LOC128092250: variants seen among roughly 807,000 people sequenced by gnomAD.
the LOC128092250 span, chr8:32,647,279 T>C: frequency 4.1e-6 from 4 of 985,374 alleles, no homozygotes; most frequent in Non-Finnish European, 4.8e-6. Context: ...TGGTCCTCCT[T>C]CTGCTTTTAC....
the LOC128092250 span, chr8:32,647,204 G>A: frequency 1.0e-6 from 1 of 985,380 alleles, no homozygotes; most frequent in Non-Finnish European, 1.2e-6. Context: ...ACAACAGGAT[G>A]CTGTTGCTAT....
At chr8:32,647,258 G>GCCA in the LOC128092250 span, 1 of 985,304 alleles carries the variant, frequency 1.0e-6, no homozygotes, top group Non-Finnish European at 1.2e-6. Flanking sequence ...TGCCGCCGCC[G>GCCA]CCACCGCCGC....
At chr8:32,647,321 G>A in the LOC128092250 span, 1 of 985,372 alleles carries the variant, frequency 1.0e-6, no homozygotes, top group Non-Finnish European at 1.2e-6. Context: ...TTCTTCATCT[G>A]AGCAGACACC....
the LOC128092250 span, chr8:32,647,317 A>G: frequency 3.0e-6 from 3 of 985,166 alleles, no homozygotes; most frequent in Non-Finnish European, 3.6e-6. Context: ...TGTTTTCTTC[A>G]TCTGAGCAGA....
At chr8:32,647,341 T>G in the LOC128092250 span, 1 of 985,402 alleles carries the variant, frequency 1.0e-6, no homozygotes, top group Middle Eastern at 5.2e-4. Context: ...CAGCTTCAGA[T>G]GCTCGAGGTG....
At chr8:32,647,220 C>G in the LOC128092250 span, 1 of 985,392 alleles carries the variant, frequency 1.0e-6, no homozygotes, top group South Asian at 4.7e-5. Context: ...GCTATTGTCA[C>G]TACTGCCTCT....
At chr8:32,647,239 C>CGCT in the LOC128092250 span, 10 of 983,402 alleles carry the variant, frequency 1.0e-5, no homozygotes, top group Non-Finnish European at 1.2e-5. Flanking sequence ...CTCCTGCCGC[C>CGCT]GCTGCTGCTG....
chr8:32,647,248 T>C, the LOC128092250 span: 28 of 985,254 alleles, frequency 2.8e-5, no homozygotes, highest in Non-Finnish European at 3.3e-5. Flanking sequence ...CCGCTGCTGC[T>C]GCCGCCGCCG....
chr8:32,647,364 T>A, the LOC128092250 span: 3 of 985,334 alleles, frequency 3.0e-6, no homozygotes, highest in Non-Finnish European at 3.6e-6. Flanking sequence ...AAACATGCCT[T>A]TCAGTTTGGG....
At chr8:32,647,222 A>G in the LOC128092250 span, 1 of 985,168 alleles carries the variant, frequency 1.0e-6, no homozygotes, top group Non-Finnish European at 1.2e-6. Flanking sequence ...TATTGTCACT[A>G]CTGCCTCTCC....
the LOC128092250 span, chr8:32,647,346 G>T: frequency 6.1e-6 from 6 of 985,348 alleles, no homozygotes; most frequent in Non-Finnish European, 7.2e-6. Context: ...TCAGATGCTC[G>T]AGGTGAGAAA....
the LOC128092250 span, chr8:32,647,245 TGCTGCCGCCGCCGCC>T: frequency 1.0e-6 from 1 of 985,338 alleles, no homozygotes; most frequent in Non-Finnish European, 1.2e-6. Context: ...CCGCCGCTGC[TGCTGCCGCCGCCGCC>T]ACCGCCGCTG....
the LOC128092250 span, chr8:32,647,368 G>T: frequency 4.1e-6 from 4 of 985,322 alleles, no homozygotes; most frequent in Non-Finnish European, 4.8e-6. Context: ...ATGCCTTTCA[G>T]TTTGGGCTAC....
At chr8:32,647,334 C>T in the LOC128092250 span, 4 of 985,416 alleles carry the variant, frequency 4.1e-6, no homozygotes, top group Non-Finnish European at 3.6e-6. Flanking sequence ...CAGACACCAG[C>T]TTCAGATGCT....
the LOC128092250 span, chr8:32,647,346 G>C: frequency 4.1e-6 from 4 of 985,348 alleles, no homozygotes; most frequent in Non-Finnish European, 4.8e-6. Context: ...TCAGATGCTC[G>C]AGGTGAGAAA....
the LOC128092250 span, chr8:32,647,276 CCTT>C: frequency 4.1e-6 from 4 of 985,284 alleles, no homozygotes; most frequent in Non-Finnish European, 4.8e-6. Context: ...CGCTGGTCCT[CCTT>C]CTGCTTTTAC....
the LOC128092250 span, chr8:32,647,312 T>C: frequency 1.0e-6 from 1 of 985,394 alleles, no homozygotes; most frequent in African/African-American, 1.7e-5. Flanking sequence ...ACAGTTGTTT[T>C]CTTCATCTGA....
the LOC128092250 span, chr8:32,647,386 CTTAA>C: frequency 3.0e-6 from 3 of 985,278 alleles, no homozygotes; most frequent in African/African-American, 1.7e-5. Context: ...TACTGGTTTA[CTTAA>C]TTAATCAGCC....
At chr8:32,647,370 T>G in the LOC128092250 span, 1 of 985,228 alleles carries the variant, frequency 1.0e-6, no homozygotes, top group African/African-American at 1.7e-5. Flanking sequence ...GCCTTTCAGT[T>G]TGGGCTACTG....
Sources: allele counts gnomAD v4.1 joint callset, GRCh38; gene constraint gnomAD v4.1.1; transcripts MANE v1.5.